The following CTNNA3 variants were observed in gnomAD, a reference collection of about 807,000 sequenced individuals.
The protein encoded by CTNNA3 is catenin alpha-3.
Under a neutral mutation model 95.7 loss-of-function variants are expected in CTNNA3, and 76 were observed. The ratio of observed to expected loss-of-function variants is 0.79; its 90% confidence interval spans 0.66 to 0.96. The LOEUF (loss-of-function observed/expected upper bound fraction) is 0.96. Ranked by LOEUF, CTNNA3 falls within the 40% of genes least tolerant of loss-of-function variation. CTNNA3 has a pLI of 0.00. For missense variants in CTNNA3, 1,191 were observed against 1,089.8 expected, an observed-to-expected ratio of 1.09 and a Z score of -1.31; for synonymous variants, 431 against 374.4, an observed-to-expected ratio of 1.15 and a Z score of -1.74.
chr10:66,968,811 G>A (rs1380639493), intron 7 of CTNNA3, among the ~76,000 whole-genome samples: 1 of 152,076 alleles, frequency 6.6e-6, no homozygotes, highest in Non-Finnish European at 1.5e-5. Context: ...GAGGTCAGGA[G>A]TTTAAGACGA....
chr10:66,072,790 C>T (rs2133611735), intron 14 of CTNNA3, among the ~76,000 whole-genome samples: 1 of 152,196 alleles, frequency 6.6e-6, no homozygotes, highest in African/African-American at 2.4e-5. Flanking sequence ...TCTGTGCTGA[C>T]CCTTTTAACT....
intron 5 of CTNNA3, among the ~76,000 whole-genome samples, chr10:67,299,589 G>A (rs1840187113): frequency 6.6e-6 from 1 of 152,134 alleles, no homozygotes; most frequent in African/African-American, 2.4e-5. Context: ...CTTTCCCACT[G>A]GCTTTCAGGG....
At chr10:66,787,038 C>T (rs1167166980) in intron 7 of CTNNA3, among the ~76,000 whole-genome samples, 1 of 152,124 alleles carries the variant, frequency 6.6e-6, no homozygotes. Context: ...AAGACTAATT[C>T]CAAGTACATC....
At chr10:66,811,482 A>T (rs545422909) in intron 7 of CTNNA3, among the ~76,000 whole-genome samples, 1 of 152,352 alleles carries the variant, frequency 6.6e-6, no homozygotes, top group South Asian at 2.1e-4. Context: ...TAATAAAATC[A>T]CTATAATTCT....
At chr10:66,362,945 T>C (rs2092687113) in intron 12 of CTNNA3, among the ~76,000 whole-genome samples, 1 of 152,224 alleles carries the variant, frequency 6.6e-6, no homozygotes, top group South Asian at 2.1e-4. Context: ...AAAAAGTGAC[T>C]ATTTCTGAAA....
At chr10:66,017,409 A>C (rs924513038) in intron 15 of CTNNA3, among the ~76,000 whole-genome samples, 1 of 152,172 alleles carries the variant, frequency 6.6e-6, no homozygotes, top group African/African-American at 2.4e-5. Context: ...TACTATTAGT[A>C]GACTTGAAAC....
chr10:66,027,854 G>C (rs2079372587), intron 15 of CTNNA3, among the ~76,000 whole-genome samples: 2 of 152,068 alleles, frequency 1.3e-5, no homozygotes, highest in African/African-American at 2.4e-5. Flanking sequence ...CAAGCCAAAA[G>C]GCAGAAATTT....
intron 7 of CTNNA3, among the ~76,000 whole-genome samples, chr10:66,900,942 A>G (rs1018513845): frequency 6.6e-6 from 1 of 152,228 alleles, no homozygotes; most frequent in Non-Finnish European, 1.5e-5. Flanking sequence ...GAACCAAATT[A>G]GAAAACACTC....
At chr10:65,983,370 C>T (rs371045733) in intron 16 of CTNNA3, among the ~76,000 whole-genome samples, 1 of 151,480 alleles carries the variant, frequency 6.6e-6, no homozygotes, top group Non-Finnish European at 1.5e-5. Context: ...GGTTATACTG[C>T]TTCTATAACT....
At chr10:67,102,724 T>C (rs1476697604) in intron 7 of CTNNA3, among the ~76,000 whole-genome samples, 2 of 151,884 alleles carry the variant, frequency 1.3e-5, no homozygotes, top group African/African-American at 2.4e-5. Context: ...TAATCTAAAA[T>C]ATTACCTGCT....
At chr10:66,199,805 A>ATATGTATATATATATATTTTTTTTT (rs1564756586) in intron 13 of CTNNA3, among the ~76,000 whole-genome samples, 1 of 14,288 alleles carries the variant, frequency 7.0e-5, no homozygotes, top group Non-Finnish European at 1.1e-4. Flanking sequence ...ATATATATAT[A>ATATGTATATATATATATTTTTTTTT]TTTTTTTTTT....
intron 5 of CTNNA3, among the ~76,000 whole-genome samples, chr10:67,454,386 A>G (rs1847095257): frequency 6.6e-6 from 1 of 152,160 alleles, no homozygotes; most frequent in African/African-American, 2.4e-5. Context: ...CAAGTTATTC[A>G]GGGAAAATTT....
intron 9 of CTNNA3, among the ~76,000 whole-genome samples, chr10:66,721,040 G>A (rs1306114322): frequency 6.6e-6 from 1 of 152,088 alleles, no homozygotes; most frequent in Non-Finnish European, 1.5e-5. Context: ...TTTGAGATGG[G>A]GCCACAGACT....
At chr10:67,736,012 T>C (rs1841300415) in intron 1 of CTNNA3, among the ~76,000 whole-genome samples, 1 of 152,150 alleles carries the variant, frequency 6.6e-6, no homozygotes, top group Non-Finnish European at 1.5e-5. Context: ...AGTAGCATTA[T>C]TTACAACAGC....
At chr10:67,265,430 G>A (rs1866781981) in intron 5 of CTNNA3, among the ~76,000 whole-genome samples, 1 of 152,136 alleles carries the variant, frequency 6.6e-6, no homozygotes, top group Non-Finnish European at 1.5e-5. Flanking sequence ...TGCAAGGAGG[G>A]TGCTAACAAA....
intron 9 of CTNNA3, among the ~76,000 whole-genome samples, chr10:66,733,690 TAATGAGTTAGGAA>T (rs954742570): frequency 2.0e-5 from 3 of 151,724 alleles, no homozygotes; most frequent in African/African-American, 7.2e-5. Flanking sequence ...TATAATTTTC[TAATGAGTTAGGAA>T]AATGATTACA....
chr10:66,224,924 T>C (rs999083813), intron 13 of CTNNA3, among the ~76,000 whole-genome samples: 3 of 152,100 alleles, frequency 2.0e-5, no homozygotes, highest in Admixed American at 2.0e-4. Flanking sequence ...CACATAATAA[T>C]TCTACATATT....
At chr10:67,165,016 T>C (rs1861699763) in intron 7 of CTNNA3, among the ~76,000 whole-genome samples, 1 of 152,200 alleles carries the variant, frequency 6.6e-6, no homozygotes, top group Non-Finnish European at 1.5e-5. Flanking sequence ...GGTGTTTCTC[T>C]TAGAGAAATT....
At chr10:65,970,492 A>C (rs1035246242) in intron 16 of CTNNA3, among the ~76,000 whole-genome samples, 1 of 152,032 alleles carries the variant, frequency 6.6e-6, no homozygotes, top group African/African-American at 2.4e-5. Flanking sequence ...AGTTGGATAG[A>C]ATAACAACAT....
Sources: allele counts gnomAD v4.1 joint callset (sites outside exome capture counted in the v4.1 genomes callset), GRCh38; gene constraint gnomAD v4.1.1; transcripts MANE v1.5; gene names NCBI Gene and HGNC (gene_info 2026-07-23, HGNC 2026-07-21).